LCN8: variants seen among roughly 807,000 people sequenced by gnomAD.
LCN8 encodes the protein epididymal-specific lipocalin-8.
A neutral mutation model predicts 22.8 loss-of-function variants in LCN8; 16 were observed. The observed-to-expected ratio is 0.70, with a 90% CI of 0.47 to 1.06. The LOEUF (loss-of-function observed/expected upper bound fraction) is 1.06. LCN8 is among the 50% of genes least tolerant of loss of function. LCN8 has a pLI of 0.00. For synonymous variants in LCN8, 92 were observed against 83.4 expected, an observed-to-expected ratio of 1.10 and a Z score of -0.56; for missense variants, 189 against 203.3, an observed-to-expected ratio of 0.93 and a Z score of 0.43.
At chr9:136,756,902 G>T in intron 2 of LCN8, 136 bp downstream of exon 2, 1 of 1,044,006 alleles carries the variant, frequency 9.6e-7, no homozygotes, top group Non-Finnish European at 1.4e-6. Context: ...GGCTCAGGCA[G>T]ACGGGCACCG....
chr9:136,758,090 A>G lies in LCN8; in HGVS notation c.-160T>C, dbSNP rs1195982963. 1 of 1,480,104 alleles carries G rather than the reference A, an allele frequency of 6.8e-7. No homozygotes were observed. Among genetic ancestry groups the G allele is most frequent in the Non-Finnish European group, 9.0e-7 (1 of 1,112,932 alleles). The allele number at this position is 1,480,104 out of a possible 1,614,324, so 91.7% of individuals were successfully genotyped here. A position where few individuals can be genotyped will look rare whatever the true frequency, so the allele number is the denominator to read the frequency against. On this transcript the variant is annotated 5_prime_UTR_variant, in exon 1 of 7. An upstream start codon of the reference 5' UTR is lost. Transcript: ENST00000371688. ...GCTTGTGCGCCCACCCGGGAATGTC[A>G]TCAGGACAGCTTGGCTGCTGGCAGC...
Position 136,755,114 on chromosome 9 carries a change from AG to A in LCN8, c.447+20del. ...GGGCCCGGGAACTTCAGCACAGGCC[AG>A]GGTCGGGGGTCAGGCTCACCTCCTT... On this transcript the variant is annotated intron_variant, in intron 6 of 6. Coordinates refer to ENST00000371688, the MANE Select transcript of LCN8 (RefSeq NM_178469.4). 1 of 1,538,224 alleles carries A rather than the reference AG, an allele frequency of 6.5e-7. No homozygotes were observed. The highest frequency in any genetic ancestry group is 8.8e-7 in the Non-Finnish European group (1 of 1,142,684).
At position 136,757,533 on chromosome 9, in the gene LCN8, C is replaced by T. The variant is rs538517341; in HGVS notation, c.25-365G>A. The T allele has an allele frequency of 4.1e-4, 559 of 1,362,170 alleles. 2 individuals carry two copies. Among genetic ancestry groups the T allele is most frequent in the South Asian group, 1.6e-4 (10 of 61,172 alleles). 84.4% of individuals were successfully genotyped at this position (1,362,170 alleles called of 1,614,324 possible). Reference sequence around the variant, plus strand: ...GGAAAAGAAAGCCCGCAGGGCGCGGCGGAGTGAGAAACGCCAGAGAACAGG... The same window carrying T: ...GGAAAAGAAAGCCCGCAGGGCGCGGTGGAGTGAGAAACGCCAGAGAACAGG... On this transcript the variant is annotated intron_variant, in intron 1 of 6. Transcript: ENST00000371688.
Position 136,757,072 on chromosome 9 carries a change from C to G in LCN8, c.121G>C (p.Gly41Arg). The change falls in exon 2 of 7, where the codon GGG becomes CGG. Residue 41 changes from glycine (G) to arginine (R), a missense_variant. Physicochemically the swap from Gly to Arg is moderately radical, Grantham distance 125 (BLOSUM62 -2). Coordinates refer to ENST00000371688, the MANE Select transcript of LCN8 (RefSeq NM_178469.4). ...GCAACCTTCACGGTCAGGTTACTCCCGCTCAAGGTGAGGAACAAGCCCTCC... is the reference window on the plus strand; with the variant it reads ...GCAACCTTCACGGTCAGGTTACTCCGGCTCAAGGTGAGGAACAAGCCCTCC... ...RVEGLFLTLS[G>R]SNLTVKVAYN... is the part of the protein sequence containing the mutation. 6.2e-7 allele frequency: 1 copy of G among 1,613,396 alleles called. No homozygotes were observed. Among genetic ancestry groups the G allele is most frequent in the South Asian group, 1.1e-5 (1 of 90,908 alleles).
Position 136,755,183 on chromosome 9 carries a change from G to A in LCN8, c.422-23C>T, listed in dbSNP as rs751856533. 18 of 1,605,564 alleles carry A rather than the reference G, an allele frequency of 1.1e-5. No homozygotes were observed. In the South Asian group the frequency reaches 2.0e-4, roughly 18 times the overall value. ...GCCCTGCAGGATAGGCCAGCATGAG[G>A]AGCTGCAGAGTCAGCCCACAGGGCC... On this transcript the variant is annotated intron_variant, in intron 5 of 6. Transcript: ENST00000371688.
rs533498921 is a variant in LCN8 at position 136,757,739 on chromosome 9, C to A, written c.24+168G>T. On this transcript the variant is annotated intron_variant, in intron 1 of 6. Transcript: ENST00000371688. ...TCTGGGCCTGCTAATGTGCCTCTGG[C>A]CCAGCAGCCGGCACAGACTCAGCGG... 4.1e-5 allele frequency: 40 copies of A among 985,462 alleles called. No homozygotes were observed. The South Asian group carries it at 8.9e-4, about 22-fold the overall frequency. The allele number at this position is 985,462 out of a possible 1,614,324, so 61.0% of individuals were successfully genotyped here. A position where few individuals can be genotyped will look rare whatever the true frequency, so the allele number is the denominator to read the frequency against.
rs1847252107 is a variant in LCN8 at position 136,758,045 on chromosome 9, A to T, written c.-115T>A. 12 of 1,547,074 alleles carry T rather than the reference A, an allele frequency of 7.8e-6. No homozygotes were observed. The highest frequency in any genetic ancestry group is 1.0e-5 in the Non-Finnish European group (12 of 1,148,460). On this transcript the variant is annotated 5_prime_UTR_variant, in exon 1 of 7. Coordinates refer to ENST00000371688, the MANE Select transcript of LCN8 (RefSeq NM_178469.4). ...TTCCCCTGCTGCACAGCCTGGGCCG[A>T]TTCTATACGGACAGTGCAGGCTTGT...
chr9:136,757,601 A>ATG lies in LCN8; in HGVS notation c.24+305_24+306insCA, dbSNP rs1847240823. 7 of 1,400,892 alleles carry ATG rather than the reference A, an allele frequency of 5.0e-6. No homozygotes were observed. The Admixed American group carries it at 2.1e-4, about 41-fold the overall frequency. 86.8% of individuals were successfully genotyped at this position (1,400,892 alleles called of 1,614,324 possible). The stretch of plus-strand genomic sequence containing the variant: ...CTCGCCAGCCTGCCAACCACGCCAG[A>ATG]GGATGGGCCTCCTGCCCTCAGCAAC... On this transcript the variant is annotated intron_variant, in intron 1 of 6. Transcript: ENST00000371688.
intron 2 of LCN8, 34 bp from the exon 3 acceptor site, chr9:136,756,626 C>G: frequency 6.2e-7 from 1 of 1,608,994 alleles, no homozygotes; most frequent in Non-Finnish European, 8.5e-7. Flanking sequence ...CGGTAAAATG[C>G]TAGCCTGTGT....
chr9:136,754,838 G>T, intron 6 of LCN8: 2 of 1,347,666 alleles, frequency 1.5e-6, no homozygotes, highest in Non-Finnish European at 1.9e-6. Flanking sequence ...CGAAGAAAAG[G>T]CGCCATTTCT....
At chr9:136,757,466 G>T in intron 1 of LCN8, 2 of 1,358,820 alleles carry the variant, frequency 1.5e-6, no homozygotes, top group Non-Finnish European at 1.9e-6. Flanking sequence ...GGAACCACAG[G>T]CCCTGCCTGA....
chr9:136,756,269 G>C lies in LCN8; in HGVS notation c.226+253C>G. The C allele has an allele frequency of 2.0e-6, 3 of 1,479,294 alleles. No homozygotes were observed. In the Admixed American group the frequency reaches 6.1e-5, roughly 30 times the overall value. The allele number at this position is 1,479,294 out of a possible 1,614,324, so 91.6% of individuals were successfully genotyped here. A position where few individuals can be genotyped will look rare whatever the true frequency, so the allele number is the denominator to read the frequency against. ...CGCATGGGGAATGGCGCAGAGAAAAGTGCAGGGAACAGCATGGGGAATAGT... is the reference window on the plus strand; with the variant it reads ...CGCATGGGGAATGGCGCAGAGAAAACTGCAGGGAACAGCATGGGGAATAGT... On this transcript the variant is annotated intron_variant, in intron 3 of 6. Coordinates refer to ENST00000371688, the MANE Select transcript of LCN8 (RefSeq NM_178469.4).
At chr9:136,754,584 C>A in intron 6 of LCN8, 75 bp from the exon 7 acceptor site, 1 of 1,520,492 alleles carries the variant, frequency 6.6e-7, no homozygotes, top group Non-Finnish European at 8.8e-7. Context: ...GAGGGCCACA[C>A]GGCGGGACTT....
intron 6 of LCN8, 166 bp downstream of exon 6, chr9:136,754,969 C>A: frequency 7.1e-7 from 1 of 1,407,806 alleles, no homozygotes; most frequent in South Asian, 1.7e-5. Context: ...ACAGACTCAT[C>A]TCTGGAGCTG....
In LCN8 at chr9:136,755,441, C is replaced by G. The variant is rs760764630; in HGVS notation, c.302G>C (p.Gly101Ala). ...AILRVSLMWRGRNFRVLKYFT... is the reference protein window; with the variant it reads ...AILRVSLMWRARNFRVLKYFT... ...GTACTTGAGGACGCGAAAGTTCCTGCCCCGCCACATCAGGGACACCCGCAG... is the reference window on the plus strand; with the variant it reads ...GTACTTGAGGACGCGAAAGTTCCTGGCCCGCCACATCAGGGACACCCGCAG... Residue 101 changes from glycine to alanine, a missense_variant, in exon 4 of 7, where the codon GGC (glycine) becomes GCC (alanine). By Grantham distance (60) the Gly-to-Ala change is moderately conservative. Coordinates refer to ENST00000371688, the MANE Select transcript of LCN8 (RefSeq NM_178469.4). 1 of 1,612,846 alleles carries G rather than the reference C, an allele frequency of 6.2e-7. No homozygotes were observed. The highest frequency in any genetic ancestry group is 8.5e-7 in the Non-Finnish European group (1 of 1,179,964).
Position 136,754,449 on chromosome 9 carries a change from C to G in LCN8, c.*49G>C. ...TGGTGGGCAGGGTGCCCAGGAGGGG[C>G]AGGGGTGGGCGGGCGCTCCGAACCT... On this transcript the variant is annotated 3_prime_UTR_variant, in exon 7 of 7. Coordinates refer to ENST00000371688, the MANE Select transcript of LCN8 (RefSeq NM_178469.4). 2.6e-6 allele frequency: 4 copies of G among 1,548,036 alleles called. No individual in the cohort carries two copies. Among genetic ancestry groups the G allele is most frequent in the Non-Finnish European group, 3.5e-6 (4 of 1,145,172 alleles).
intron 6 of LCN8, 25 bp from the exon 7 acceptor site, chr9:136,754,534 C>G (rs201875766): frequency 6.4e-7 from 1 of 1,550,618 alleles, no homozygotes; most frequent in South Asian, 1.2e-5. Flanking sequence ...TGCAGGGGCT[C>G]AGGCCCGTGT....
chr9:136,756,978 C>A, intron 2 of LCN8, 60 bp downstream of exon 2: 1 of 1,574,586 alleles, frequency 6.4e-7, no homozygotes, highest in Non-Finnish European at 8.6e-7. Context: ...GTGCAGCAAC[C>A]CACGCCCAGT....
Position 136,757,529 on chromosome 9 carries a change from G to A in LCN8, c.25-361C>T, listed in dbSNP as rs1013759044. 27 of 1,361,112 alleles carry A rather than the reference G, an allele frequency of 2.0e-5. No individual in the cohort carries two copies. The African/African-American group carries it at 2.3e-4, about 12-fold the overall frequency. 84.3% of individuals were successfully genotyped at this position (1,361,112 alleles called of 1,614,324 possible). A position where few individuals can be genotyped will look rare whatever the true frequency, so the allele number is the denominator to read the frequency against. ...GCCTGGAAAAGAAAGCCCGCAGGGC[G>A]CGGCGGAGTGAGAAACGCCAGAGAA... On this transcript the variant is annotated intron_variant, in intron 1 of 6. Coordinates refer to ENST00000371688, the MANE Select transcript of LCN8 (RefSeq NM_178469.4).
Sources: gnomAD v4.1 joint callset for allele counts on GRCh38, gnomAD v4.1.1 for gene constraint, MANE v1.5 for transcripts, NCBI Gene and HGNC (gene_info 2026-07-23, HGNC 2026-07-21) for gene names.